COQ8A: variants seen among roughly 807,000 people sequenced by gnomAD.
COQ8A encodes coenzyme Q8A.
In COQ8A, 51 loss-of-function variants were observed where a neutral mutation model predicts 65.0. The observed-to-expected ratio is 0.78, with a 90% CI of 0.63 to 0.99. COQ8A has a LOEUF of 0.99. Ranked by LOEUF, COQ8A falls within the 50% of genes least tolerant of loss-of-function variation. COQ8A has a pLI of 0.00. For synonymous variants in COQ8A, 371 were observed against 353.2 expected, an observed-to-expected ratio of 1.05 and a Z score of -0.57; for missense variants, 940 against 875.0, an observed-to-expected ratio of 1.07 and a Z score of -0.94.
rs571319017 is a variant in COQ8A, at chr1:226,975,749, C to T, written c.656-1700C>T. ...GGCGAGTGCTCTACTCACGCCCGCA[C>T]GACAGCCTGTGAGGCAGGGGCTGCC... On this transcript the variant is annotated intron_variant, in intron 4 of 14. Transcript: ENST00000366777. 9.2e-5 allele frequency among the ~76,000 whole-genome samples: 14 copies of T among 152,314 alleles called. No homozygotes were observed. The East Asian group carries it at 1.9e-3, about 21-fold the overall frequency.
At position 226,979,844 on chromosome 1, in the gene COQ8A, T is replaced by A. The variant is rs562047904; in HGVS notation, c.731-2183T>A. On this transcript the variant is annotated intron_variant, in intron 5 of 14. Transcript: ENST00000366777. ...TTTTAGCGTTGGTGCTGACACTCTCTGGGAAATGAAGCCTGGGTTTCTCTG... is the reference window on the plus strand; with the variant it reads ...TTTTAGCGTTGGTGCTGACACTCTCAGGGAAATGAAGCCTGGGTTTCTCTG... 1.2e-4 allele frequency among the ~76,000 whole-genome samples: 19 copies of A among 152,330 alleles called. No individual in the cohort carries two copies. In the South Asian group the frequency reaches 3.9e-3, roughly 32 times the overall value.
At chr1:226,976,123 G>T (rs1659180829) in intron 4 of COQ8A, among the ~76,000 whole-genome samples, 1 of 145,738 alleles carries the variant, frequency 6.9e-6, no homozygotes, top group African/African-American at 2.6e-5. Context: ...ATGTTGCCTG[G>T]CTGTGGGGCT....
Position 226,941,605 on chromosome 1 carries a change from G to GA in COQ8A, c.-10+1218dup, listed in dbSNP as rs776040499. ...AAAATGGTGAAACCCCGTCTCTACCGAAAAAAAAAAAATACGAAAATTAGC... is the reference window on the plus strand; with the variant it reads ...AAAATGGTGAAACCCCGTCTCTACCGAAAAAAAAAAAAATACGAAAATTAGC... On this transcript the variant is annotated intron_variant, in intron 1 of 14. Coordinates refer to ENST00000366777, the MANE Select transcript of COQ8A (RefSeq NM_020247.5). Among the ~76,000 whole-genome samples the GA allele has an allele frequency of 3.6e-3, 518 of 143,336 alleles. 2 individuals are homozygous for GA. Among genetic ancestry groups the GA allele is most frequent in the African/African-American group, 8.3e-3 (327 of 39,344 alleles). 94.0% of individuals were successfully genotyped at this position (143,336 alleles called of 152,430 possible).
intron 1 of COQ8A, among the ~76,000 whole-genome samples, chr1:226,945,457 C>A (rs186098426): frequency 6.6e-6 from 1 of 152,310 alleles, no homozygotes; most frequent in East Asian, 1.9e-4. Flanking sequence ...GTGCTTGGCA[C>A]ATTTTTTGTT....
At chr1:226,952,052 G>A (rs1657420935) in intron 1 of COQ8A, among the ~76,000 whole-genome samples, 1 of 152,206 alleles carries the variant, frequency 6.6e-6, no homozygotes, top group Admixed American at 6.5e-5. Flanking sequence ...TCGGGGGTAA[G>A]CACCCTTTCA....
intron 1 of COQ8A, among the ~76,000 whole-genome samples, chr1:226,945,307 G>A (rs1656969298): frequency 6.6e-6 from 1 of 152,200 alleles, no homozygotes; most frequent in African/African-American, 2.4e-5. Flanking sequence ...AATATATGCG[G>A]TGTCATCTGG....
At position 226,965,348 on chromosome 1, in the gene COQ8A, G is replaced by A. The variant is rs776354118; in HGVS notation, c.526G>A (p.Glu176Lys). 8.7e-6 allele frequency: 14 copies of A among 1,613,074 alleles called. 1 individual carries two copies. Among genetic ancestry groups the A allele is most frequent in the Admixed American group, 8.3e-5 (5 of 59,906 alleles). Residue 176 changes from glutamate to lysine, a missense_variant, in exon 3 of 15, where the codon GAG becomes AAG. Coordinates refer to ENST00000366777, the MANE Select transcript of COQ8A (RefSeq NM_020247.5). ...ATCCCCTGTTGGGGGCCTCACAGCC[G>A]AGGACATTGAGAAGGCCCGGCAGGC... Reference protein sequence around the residue: ...DQSPVGGLTAEDIEKARQAKA... With the variant: ...DQSPVGGLTAKDIEKARQAKA...
At chr1:226,977,356 G>A (rs1659300737) in intron 4 of COQ8A, 93 bp from the exon 5 acceptor site, 16 of 1,234,208 alleles carry the variant, frequency 1.3e-5, no homozygotes, top group Non-Finnish European at 2.3e-6. Flanking sequence ...TGCAAGCGGT[G>A]TCTGTGTGGT....
intron 1 of COQ8A, among the ~76,000 whole-genome samples, chr1:226,960,829 C>T (rs546553097): frequency 2.6e-5 from 4 of 152,180 alleles, no homozygotes; most frequent in Non-Finnish European, 4.4e-5. Flanking sequence ...TATGGATATC[C>T]GTCACAGGCC....
In COQ8A at chr1:226,986,585, C is replaced by G. The variant is rs760352291; in HGVS notation, c.1792C>G (p.Arg598Gly). The G allele has an allele frequency of 1.2e-6, 2 of 1,613,962 alleles. No homozygotes were observed. Among genetic ancestry groups the G allele is most frequent in the Non-Finnish European group, 8.5e-7 (1 of 1,179,980 alleles). The change falls in exon 15 of 15, where the codon CGT becomes GGT. Residue 598 changes from arginine to glycine, a missense_variant. Coordinates refer to ENST00000366777, the MANE Select transcript of COQ8A (RefSeq NM_020247.5). ...CCTGATTCCCGTCATGCTGAGGCAC[C>G]GTCTCGTCCCCCCACCCGAGGAAAC... is the stretch of plus-strand genomic sequence containing the variant. ...HNLIPVMLRHRLVPPPEETYS... is the reference protein window; with the variant it reads ...HNLIPVMLRHGLVPPPEETYS...
At chr1:226,969,768 G>C (rs1446258036) in intron 4 of COQ8A, among the ~76,000 whole-genome samples, 1 of 151,728 alleles carries the variant, frequency 6.6e-6, no homozygotes, top group Non-Finnish European at 1.5e-5. Flanking sequence ...GGTTTTTTGT[G>C]TGTTTTAAGT....
At chr1:226,977,954 C>T (rs1659351031) in intron 5 of COQ8A, among the ~76,000 whole-genome samples, 1 of 145,064 alleles carries the variant, frequency 6.9e-6, no homozygotes. Context: ...ACACCCGCAC[C>T]TTACATACCC....
At chr1:226,966,369 G>A (rs1451450590) in intron 4 of COQ8A, among the ~76,000 whole-genome samples, 1 of 152,224 alleles carries the variant, frequency 6.6e-6, no homozygotes, top group Non-Finnish European at 1.5e-5. Context: ...AAGGTTTATA[G>A]CAGTTGTGTC....
chr1:226,961,669 G>C, intron 2 of COQ8A, 107 bp downstream of exon 2: 2 of 1,326,610 alleles, frequency 1.5e-6, no homozygotes, highest in Non-Finnish European at 2.0e-6. Context: ...TTGGTGGCCA[G>C]GGCCTGAGGG....
Position 226,963,981 on chromosome 1 carries a change from C to T in COQ8A, c.178-1019C>T, listed in dbSNP as rs376870020. Reference sequence around the variant, plus strand: ...CCTGGGTGTTGGATCCCGGCTCTGTCATTTGCTGCCTGGTGACCTTCACCA... The same window carrying T: ...CCTGGGTGTTGGATCCCGGCTCTGTTATTTGCTGCCTGGTGACCTTCACCA... On this transcript the variant is annotated intron_variant, in intron 2 of 14. Coordinates refer to ENST00000366777, the MANE Select transcript of COQ8A (RefSeq NM_020247.5). Among the ~76,000 whole-genome samples the T allele has an allele frequency of 3.3e-5, 5 of 152,322 alleles. No individual in the cohort carries two copies. In the South Asian group the frequency reaches 1.0e-3, roughly 32 times the overall value.
intron 5 of COQ8A, 61 bp downstream of exon 5, chr1:226,977,584 C>G: frequency 1.3e-6 from 2 of 1,505,866 alleles, no homozygotes; most frequent in Non-Finnish European, 1.8e-6. Flanking sequence ...AGCCTGTCAG[C>G]CCCCAGCCCC....
chr1:226,957,304 G>T (rs1296005325), intron 1 of COQ8A, among the ~76,000 whole-genome samples: 1 of 65,992 alleles, frequency 1.5e-5, no homozygotes, highest in Non-Finnish European at 3.4e-5. Context: ...CACCTCCCTG[G>T]TTCACACTTT....
chr1:226,977,677 G>C (rs1168001679), intron 5 of COQ8A, among the ~76,000 whole-genome samples, 154 bp downstream of exon 5: 1 of 152,166 alleles, frequency 6.6e-6, no homozygotes, highest in Non-Finnish European at 1.5e-5. Context: ...TGATGAGGCT[G>C]TTCATACAGA....
chr1:226,948,018 A>T (rs933984700), intron 1 of COQ8A, among the ~76,000 whole-genome samples: 2 of 152,196 alleles, frequency 1.3e-5, no homozygotes, highest in Admixed American at 1.3e-4. Context: ...TCTAGAATAC[A>T]GCCCCTCTCC....
Sources: allele counts gnomAD v4.1 joint callset (sites outside exome capture counted in the v4.1 genomes callset), GRCh38; gene constraint gnomAD v4.1.1; transcripts MANE v1.5; gene names NCBI Gene and HGNC (gene_info 2026-07-23, HGNC 2026-07-21).